SGCE: variants seen among roughly 807,000 people sequenced by gnomAD.
The protein encoded by SGCE is sarcoglycan epsilon, also known as epsilon-sarcoglycan.
In SGCE, 26 loss-of-function variants were observed where a neutral mutation model predicts 57.8. The ratio of observed to expected loss-of-function variants is 0.45; its 90% CI spans 0.33 to 0.62. The LOEUF is 0.62. SGCE is among the 20% of genes least tolerant of loss of function. The pLI, the probability that SGCE is intolerant of heterozygous loss-of-function variation, is 0.02. For missense variants in SGCE, 468 were observed against 548.6 expected, an observed-to-expected ratio of 0.85 and a Z score of 1.47; for synonymous variants, 183 against 189.5, an observed-to-expected ratio of 0.97 and a Z score of 0.28.
At chr7:94,599,753 A>G in intron 7 of SGCE, 30 bp from the exon 8 acceptor site, 1 of 1,433,332 alleles carries the variant, frequency 7.0e-7, no homozygotes. Flanking sequence ...TATGAATTAA[A>G]TAATAGCATT....
At chr7:94,610,512 T>C (rs1036466842) in intron 5 of SGCE, among the ~76,000 whole-genome samples, 1 of 152,088 alleles carries the variant, frequency 6.6e-6, no homozygotes, top group Non-Finnish European at 1.5e-5. Flanking sequence ...AAAAATAGTA[T>C]ACGCACAAAA....
intron 9 of SGCE, chr7:94,598,560 T>C: frequency 1.7e-6 from 1 of 572,860 alleles, no homozygotes; most frequent in Non-Finnish European, 3.1e-6. Flanking sequence ...ATATGTAGTC[T>C]TGTTTGGATC....
intron 10 of SGCE, chr7:94,587,164 T>G: frequency 6.1e-6 from 6 of 984,862 alleles, no homozygotes; most frequent in Non-Finnish European, 7.2e-6. Context: ...GGCTCTTATA[T>G]TTGTTTAGGC....
intron 9 of SGCE, among the ~76,000 whole-genome samples, chr7:94,595,521 T>A (rs1798262607): frequency 6.6e-6 from 1 of 152,020 alleles, no homozygotes; most frequent in Admixed American, 6.6e-5. Flanking sequence ...ATAGGAAGGG[T>A]AAATTAATAA....
intron 1 of SGCE, among the ~76,000 whole-genome samples, chr7:94,655,534 T>C (rs1808497957): frequency 1.3e-5 from 2 of 151,832 alleles, no homozygotes; most frequent in South Asian, 4.1e-4. Flanking sequence ...GGAAAAAAGA[T>C]GTGTTTGTGT....
chr7:94,633,332 TAA>T (rs935180802), intron 1 of SGCE, among the ~76,000 whole-genome samples: 3 of 152,116 alleles, frequency 2.0e-5, no homozygotes, highest in Non-Finnish European at 4.4e-5. Context: ...TTACAAAGAT[TAA>T]AAACTTCTGA....
chr7:94,587,958 C>T, intron 10 of SGCE: 1 of 1,427,854 alleles, frequency 7.0e-7, no homozygotes, highest in Non-Finnish European at 9.1e-7. Context: ...ATTCCACACC[C>T]AACTTACATT....
chr7:94,648,283 G>A (rs1410306604), intron 1 of SGCE, among the ~76,000 whole-genome samples: 1 of 150,102 alleles, frequency 6.7e-6, no homozygotes. Flanking sequence ...GCTGAGGCAG[G>A]AGAATCACTT....
chr7:94,593,599 T>C (rs1276943540), intron 9 of SGCE, among the ~76,000 whole-genome samples: 1 of 152,036 alleles, frequency 6.6e-6, no homozygotes, highest in Non-Finnish European at 1.5e-5. Context: ...TCAATGGCTT[T>C]TAGCTGTTCC....
At chr7:94,635,795 C>G (rs1298781809) in intron 1 of SGCE, among the ~76,000 whole-genome samples, 1 of 152,118 alleles carries the variant, frequency 6.6e-6, no homozygotes, top group Non-Finnish European at 1.5e-5. Flanking sequence ...TAAGATTTAC[C>G]TTGTGTTTTA....
chr7:94,598,524 A>G, intron 9 of SGCE: 1 of 458,356 alleles, frequency 2.2e-6, no homozygotes, highest in South Asian at 2.6e-5. Flanking sequence ...GTTTAATATC[A>G]GTGTCAATTT....
At chr7:94,633,321 T>A (rs575618786) in intron 1 of SGCE, among the ~76,000 whole-genome samples, 2 of 152,072 alleles carry the variant, frequency 1.3e-5, no homozygotes, top group African/African-American at 4.8e-5. Context: ...CATAGCTAGA[T>A]TTACAAAGAT....
At chr7:94,626,949 A>T (rs1562861205) in intron 3 of SGCE, 1 of 152,056 alleles carries the variant, frequency 6.6e-6, no homozygotes, top group African/African-American at 2.4e-5. Flanking sequence ...CATGACAATT[A>T]TGCTGTTTTT....
intron 5 of SGCE, among the ~76,000 whole-genome samples, chr7:94,612,059 A>G (rs963872210): frequency 1.3e-5 from 2 of 152,226 alleles, no homozygotes; most frequent in African/African-American, 4.8e-5. Context: ...AGTAACTACC[A>G]AGGCAACACC....
At chr7:94,605,935 TCTC>T (rs1406871381) in intron 5 of SGCE, among the ~76,000 whole-genome samples, 2 of 152,018 alleles carry the variant, frequency 1.3e-5, no homozygotes, top group East Asian at 3.9e-4. Flanking sequence ...TTCAAGCAAT[TCTC>T]CTGCCTCAGC....
chr7:94,649,029 T>A (rs979775329), intron 1 of SGCE, among the ~76,000 whole-genome samples: 1 of 152,240 alleles, frequency 6.6e-6, no homozygotes, highest in Non-Finnish European at 1.5e-5. Flanking sequence ...ATTTTTTAAA[T>A]GAGCGGCTTC....
intron 1 of SGCE, among the ~76,000 whole-genome samples, chr7:94,642,238 T>C (rs1468095097): frequency 1.3e-5 from 2 of 152,198 alleles, no homozygotes; most frequent in Non-Finnish European, 2.9e-5. Context: ...ACCAATCTTA[T>C]GAATTTCTCT....
At chr7:94,602,989 A>G (rs576258400) in intron 6 of SGCE, among the ~76,000 whole-genome samples, 1 of 152,332 alleles carries the variant, frequency 6.6e-6, no homozygotes, top group African/African-American at 2.4e-5. Context: ...ATATCATACT[A>G]ACTCCACTAT....
At chr7:94,598,687 A>C (rs1395307008) in intron 9 of SGCE, 88 bp downstream of exon 9, 16 of 966,202 alleles carry the variant, frequency 1.7e-5, no homozygotes, top group Non-Finnish European at 2.4e-5. Context: ...TAAACAAACA[A>C]ACACAACAAC....
Sources: allele counts gnomAD v4.1 joint callset (sites outside exome capture counted in the v4.1 genomes callset), GRCh38; gene constraint gnomAD v4.1.1; transcripts MANE v1.5; gene names NCBI Gene and HGNC (gene_info 2026-07-23, HGNC 2026-07-21).